Variants in FREM3 observed in about 807,000 individuals in gnomAD.
FREM3 encodes the protein FRAS1-related extracellular matrix protein 3.
In FREM3, 105 loss-of-function variants were observed where a neutral mutation model predicts 129.1. The observed-to-expected ratio is 0.81, with a 90% CI of 0.69 to 0.96. FREM3 has a LOEUF of 0.96. Ranked by LOEUF, FREM3 falls within the 40% of genes least tolerant of loss-of-function variation. The probability of loss-of-function intolerance (pLI) is 0.00; values close to 1 mark genes in which losing one functional copy is unlikely to be tolerated. For synonymous variants in FREM3, 1,014 were observed against 1,044.9 expected (o/e 0.97, Z 0.57); for missense variants, 2,593 against 2,666.3 (o/e 0.97, Z 0.61).
intron 2 of FREM3, among the ~76,000 whole-genome samples, chr4:143,674,908 T>A (rs996368070): frequency 1.3e-5 from 2 of 152,110 alleles, no homozygotes; most frequent in African/African-American, 4.8e-5. Context: ...CTGAGAGACA[T>A]ACAAAGAGAC....
At chr4:143,665,371 C>T (rs551603695) in intron 2 of FREM3, among the ~76,000 whole-genome samples, 6 of 152,016 alleles carry the variant, frequency 3.9e-5, no homozygotes, top group Non-Finnish European at 5.9e-5. Context: ...TTAACTTATC[C>T]CCCATTAGAC....
intron 2 of FREM3, among the ~76,000 whole-genome samples, chr4:143,650,614 CTGAG>C (rs1309147527): frequency 6.6e-6 from 1 of 152,222 alleles, no homozygotes; most frequent in East Asian, 1.9e-4. Flanking sequence ...CCTCAGCTTC[CTGAG>C]TAACTGGGAC....
At chr4:143,664,901 G>C (rs1424305007) in intron 2 of FREM3, among the ~76,000 whole-genome samples, 2 of 151,388 alleles carry the variant, frequency 1.3e-5, no homozygotes, top group South Asian at 4.2e-4. Flanking sequence ...TCAGGTGCGG[G>C]ATATAATCTC....
intron 6 of FREM3, among the ~76,000 whole-genome samples, chr4:143,603,488 A>G (rs1207525123): frequency 6.6e-6 from 1 of 152,182 alleles, no homozygotes; most frequent in African/African-American, 2.4e-5. Flanking sequence ...TGAAATGCCA[A>G]ATGCGGTCTG....
At chr4:143,595,986 A>G (rs1466805559) in intron 6 of FREM3, among the ~76,000 whole-genome samples, 2 of 152,068 alleles carry the variant, frequency 1.3e-5, no homozygotes, top group East Asian at 1.9e-4. Context: ...GAATTGACCA[A>G]TGAGAGAGGT....
chr4:143,621,039 T>C lies in FREM3; in HGVS notation c.5777A>G (p.Gln1926Arg). 1 of 1,537,426 alleles carries C rather than the reference T, an allele frequency of 6.5e-7. No homozygotes were observed. The highest frequency in any genetic ancestry group is 8.7e-7 in the Non-Finnish European group (1 of 1,146,898). ...CAGGACCCCACAGAGCCTCATACCTTGACGTGTGGAGCAAATGACGATTAG... is the reference window on the plus strand; with the variant it reads ...CAGGACCCCACAGAGCCTCATACCTCGACGTGTGGAGCAAATGACGATTAG... ...QELIVICSTR[Q>R]GSATGTISST... The change falls in exon 5 of 8, where the codon CAA (glutamine) becomes CGA (arginine). Residue 1926 changes from glutamine (Q) to arginine (R), a missense_variant and splice_region_variant. Around this residue, in one of 2 missense-constraint regions of FREM3, gnomAD observed 317 missense variants for 399.0 expected, o/e 0.79. Transcript: ENST00000329798.
chr4:143,612,972 A>T (rs1457423452), intron 5 of FREM3, among the ~76,000 whole-genome samples: 1 of 152,230 alleles, frequency 6.6e-6, no homozygotes, highest in Non-Finnish European at 1.5e-5. Flanking sequence ...CATATGCAAG[A>T]TGACACCAAT....
In FREM3 at chr4:143,699,870, AC is replaced by A; in HGVS notation, c.805del (p.Val269TrpfsTer26). The A allele has an allele frequency of 6.5e-7, 1 of 1,536,640 alleles. No homozygotes were observed. The highest frequency in any genetic ancestry group is 8.7e-7 in the Non-Finnish European group (1 of 1,146,846). Reference protein sequence around the residue: ...SPNRDYVPMMVELLGPEGQDA... With the variant: ...SPNRDYVPMMXELLGPEGQDA... ...TTGGCCCTCAGGCCCCAGCAGCTCC[AC>A]CATCATGGGCACGTAGTCACGGTTG... On this transcript the variant is annotated frameshift_variant, in exon 1 of 8. Transcript: ENST00000329798. LOFTEE classifies it high-confidence loss of function. This position sits in a 1 kb window ranked among gnomAD's most constrained non-coding sequence, Gnocchi z 4.2.
chr4:143,660,069 AG>A (rs1277635580), intron 2 of FREM3, among the ~76,000 whole-genome samples: 1 of 149,236 alleles, frequency 6.7e-6, no homozygotes, highest in Admixed American at 6.6e-5. Context: ...TTTGCTGTGC[AG>A]AAGCTCTTTA....
chr4:143,627,569 A>C (rs780663148), intron 3 of FREM3, 45 bp downstream of exon 3: 4 of 1,448,146 alleles, frequency 2.8e-6, no homozygotes, highest in Non-Finnish European at 3.7e-6. Flanking sequence ...CCCAGATTTC[A>C]TGTTTCCATG....
At chr4:143,681,643 C>A (rs189602314) in intron 2 of FREM3, among the ~76,000 whole-genome samples, 6 of 152,208 alleles carry the variant, frequency 3.9e-5, no homozygotes, top group Admixed American at 2.6e-4. Context: ...CACATAAATC[C>A]ACCACATTGT....
At chr4:143,577,923 G>A (rs1738069136) in intron 7 of FREM3, 71 bp from the exon 8 acceptor site, 1 of 1,451,502 alleles carries the variant, frequency 6.9e-7, no homozygotes, top group South Asian at 1.4e-5. Context: ...AGAAAAATGA[G>A]AGCTCTCACC....
At chr4:143,645,568 G>A (rs531241420) in intron 2 of FREM3, among the ~76,000 whole-genome samples, 1 of 152,288 alleles carries the variant, frequency 6.6e-6, no homozygotes, top group Admixed American at 6.5e-5. Context: ...CCTACCTCAT[G>A]ACTGAAACAT....
In FREM3 at chr4:143,621,060, A is replaced by T. The variant is rs17017968; in HGVS notation, c.5756T>A (p.Ile1919Asn). ...ACCTTGACGTGTGGAGCAAATGACGATTAGTTCCTGGCTTGCATCTCCAGA... is the reference window on the plus strand; with the variant it reads ...ACCTTGACGTGTGGAGCAAATGACGTTTAGTTCCTGGCTTGCATCTCCAGA... ...RRSGDASQELIVICSTRQGSA... is the reference protein window; with the variant it reads ...RRSGDASQELNVICSTRQGSA... Residue 1919 changes from isoleucine (I) to asparagine (N), a missense_variant, in exon 5 of 8, where the codon ATC becomes AAC. This residue lies in a region of FREM3 where 317 missense variants were observed against 399.0 expected (regional missense o/e 0.79). Coordinates refer to ENST00000329798, the MANE Select transcript of FREM3 (RefSeq NM_001168235.2). 6.5e-7 allele frequency: 1 copy of T among 1,537,264 alleles called. No homozygotes were observed. Among genetic ancestry groups the T allele is most frequent in the East Asian group, 2.4e-5 (1 of 40,918 alleles).
At chr4:143,681,260 A>C (rs1276711932) in intron 2 of FREM3, among the ~76,000 whole-genome samples, 2 of 152,146 alleles carry the variant, frequency 1.3e-5, no homozygotes, top group Non-Finnish European at 2.9e-5. Flanking sequence ...AGTAAGGAGC[A>C]AATGAAATAA....
At chr4:143,676,796 C>T (rs1740140686) in intron 2 of FREM3, among the ~76,000 whole-genome samples, 1 of 152,134 alleles carries the variant, frequency 6.6e-6, no homozygotes, top group African/African-American at 2.4e-5. Context: ...TTCACAATTG[C>T]TTCAAAGAGA....
At chr4:143,636,325 A>G (rs1268320147) in intron 2 of FREM3, among the ~76,000 whole-genome samples, 1 of 134,556 alleles carries the variant, frequency 7.4e-6, no homozygotes, top group African/African-American at 2.8e-5. Flanking sequence ...GGCACTGTGC[A>G]GCCTGTCCAA....
chr4:143,633,393 T>C (rs1418833425), intron 2 of FREM3, among the ~76,000 whole-genome samples: 1 of 152,170 alleles, frequency 6.6e-6, no homozygotes, highest in Non-Finnish European at 1.5e-5. Flanking sequence ...TGAAGGATGA[T>C]TTATGAAATA....
chr4:143,678,946 G>A (rs764644261), intron 2 of FREM3, among the ~76,000 whole-genome samples: 5 of 152,094 alleles, frequency 3.3e-5, no homozygotes, highest in Non-Finnish European at 7.4e-5. Context: ...ACTCTTACAT[G>A]TATAAAAAGG....
Sources: gnomAD v4.1 joint callset for allele counts (sites outside exome capture counted in the v4.1 genomes callset) on GRCh38, gnomAD v4.1.1 for gene constraint, gnomAD v4.1.1 regional missense constraint, Gnocchi (gnomAD v3.1) non-coding constraint, MANE v1.5 for transcripts, NCBI Gene and HGNC (gene_info 2026-07-23, HGNC 2026-07-21) for gene names.